Variants in ZNF423 observed in about 807,000 individuals in gnomAD.
ZNF423 encodes the protein zinc finger protein 423, also known as Ebf-associated zinc finger protein.
In ZNF423, 12 loss-of-function variants were observed where a neutral mutation model predicts 95.8. The ratio of observed to expected loss-of-function variants is 0.13; its 90% CI spans 0.08 to 0.20. ZNF423 has a LOEUF of 0.20. ZNF423 is among the 10% of genes least tolerant of loss of function. ZNF423 has a pLI of 1.00. For missense variants in ZNF423, 1,316 were observed against 1,737.1 expected (o/e 0.76, Z 4.31); for synonymous variants, 749 against 711.9 (o/e 1.05, Z -0.83).
At chr16:49,718,795 A>C (rs1489291530) in intron 3 of ZNF423, among the ~76,000 whole-genome samples, 2 of 152,182 alleles carry the variant, frequency 1.3e-5, no homozygotes, top group Non-Finnish European at 2.9e-5. Context: ...AAGAGCACTC[A>C]TCCCATTCTT....
rs1555475501 is a variant in ZNF423 at position 49,709,166 on chromosome 16, G to GTTTT, written c.301+21604_301+21605insAAAA. Among the ~76,000 whole-genome samples, 40 of 120,056 alleles carry GTTTT rather than the reference G, an allele frequency of 3.3e-4. 1 individual carries two copies. In the East Asian group the frequency reaches 5.9e-3, roughly 18 times the overall value. 78.8% of individuals were successfully genotyped at this position (120,056 alleles called of 152,430 possible). Reference sequence around the variant, plus strand: ...TAAAAAACTCAAACGTTCAGCAGCCGTTTATATATATATATATGAAAACGG... The same window carrying GTTTT: ...TAAAAAACTCAAACGTTCAGCAGCCGTTTTTTTATATATATATATATGAAAACGG... On this transcript the variant is annotated intron_variant, in intron 3 of 7. Transcript: ENST00000563137.
At position 49,637,597 on chromosome 16, in the gene ZNF423, A is replaced by T; in HGVS notation, c.1579T>A (p.Cys527Ser). 1 of 1,614,078 alleles carries T rather than the reference A, an allele frequency of 6.2e-7. No individual in the cohort carries two copies. The highest frequency in any genetic ancestry group is 8.5e-7 in the Non-Finnish European group (1 of 1,180,048). Residue 527 changes from cysteine (C) to serine (S), a missense_variant, in exon 4 of 8, where the codon TGC becomes AGC. Coordinates refer to ENST00000563137, the MANE Select transcript of ZNF423 (RefSeq NM_001379286.1). The surrounding 1 kb of genome is among the most constrained non-coding windows in gnomAD (Gnocchi z 5.6). The part of the protein sequence containing the change: ...NPSDGNNAFF[C>S]NQCSMGFLTE... ...AGGAAACCCATGGAGCACTGGTTGC[A>T]GAAGAAAGCATTATTACCGTCAGAG...
intron 2 of ZNF423, among the ~76,000 whole-genome samples, chr16:49,736,346 G>A (rs942620505): frequency 1.3e-5 from 2 of 152,112 alleles, no homozygotes; most frequent in African/African-American, 4.8e-5. Flanking sequence ...GCTTCTTCCT[G>A]CAGCCAGGAG....
Position 49,635,848 on chromosome 16 carries a change from C to T in ZNF423, c.3328G>A (p.Gly1110Arg), listed in dbSNP as rs552943301. ...CAGCMARSAN[G>R]QVGGLAPPEP... The stretch of plus-strand genomic sequence containing the variant: ...GGCGGGGCCAGGCCACCCACCTGTC[C>T]GTTGGCGCTGCGGGCCATGCAGCCG... Residue 1110 changes from glycine (G) to arginine (R), a missense_variant, in exon 4 of 8, where the codon GGA (glycine) becomes AGA (arginine). By Grantham distance (125) the Gly-to-Arg change is moderately radical. Coordinates refer to ENST00000563137, the MANE Select transcript of ZNF423 (RefSeq NM_001379286.1). The surrounding 1 kb of genome is among the most constrained non-coding windows in gnomAD (Gnocchi z 4.8). 9 of 1,599,070 alleles carry T rather than the reference C, an allele frequency of 5.6e-6. No individual in the cohort carries two copies. Among genetic ancestry groups the T allele is most frequent in the East Asian group, 2.2e-5 (1 of 44,742 alleles).
chr16:49,784,637 T>A (rs1348101530), intron 2 of ZNF423, among the ~76,000 whole-genome samples: 1 of 152,172 alleles, frequency 6.6e-6, no homozygotes, highest in Admixed American at 6.5e-5. Flanking sequence ...ATGTCCAGAA[T>A]AGGCAAGTCT....
chr16:49,565,996 A>G (rs758040145), intron 5 of ZNF423, among the ~76,000 whole-genome samples: 2 of 152,018 alleles, frequency 1.3e-5, no homozygotes, highest in Non-Finnish European at 2.9e-5. Flanking sequence ...CCATCCATCA[A>G]TCTATCCTTC....
Position 49,492,381 on chromosome 16 carries a change from G to A in ZNF423, c.3850-1077C>T, listed in dbSNP as rs1379125758. Among the ~76,000 whole-genome samples, 2 of 152,172 alleles carry A rather than the reference G, an allele frequency of 1.3e-5. No individual in the cohort carries two copies. Among genetic ancestry groups the A allele is most frequent in the African/African-American group, 4.8e-5 (2 of 41,452 alleles). On this transcript the variant is annotated intron_variant, in intron 7 of 7. Transcript: ENST00000563137. This position sits in a 1 kb window ranked among gnomAD's most constrained non-coding sequence, Gnocchi z 4.2. Reference sequence around the variant, plus strand: ...GACTCCTGCAGCTGTGCCGCTGACCGCCAGGGGTCAGCAGAGGCACCGCGT... The same window carrying A: ...GACTCCTGCAGCTGTGCCGCTGACCACCAGGGGTCAGCAGAGGCACCGCGT...
chr16:49,820,936 T>C (rs963951340), intron 1 of ZNF423, among the ~76,000 whole-genome samples: 2 of 152,194 alleles, frequency 1.3e-5, no homozygotes, highest in African/African-American at 4.8e-5. Context: ...TCATTTAAAA[T>C]ATATGTGCTT....
At chr16:49,673,130 C>T (rs1477904065) in intron 3 of ZNF423, among the ~76,000 whole-genome samples, 1 of 152,162 alleles carries the variant, frequency 6.6e-6, no homozygotes, top group African/African-American at 2.4e-5. Flanking sequence ...ATCATTTTAC[C>T]CACAACAAAT....
chr16:49,713,432 G>C (rs993254086), intron 3 of ZNF423, among the ~76,000 whole-genome samples: 3 of 152,158 alleles, frequency 2.0e-5, no homozygotes, highest in African/African-American at 7.2e-5. Flanking sequence ...GACTGCAGTG[G>C]GGGAGGAGAC....
At chr16:49,731,122 G>A in intron 2 of ZNF423, 151 bp from the exon 3 acceptor site, 1 of 975,378 alleles carries the variant, frequency 1.0e-6, no homozygotes, top group Non-Finnish European at 1.5e-6. Context: ...TAATAGATGG[G>A]GTTTTTTTGT....
At chr16:49,795,739 G>A (rs994248218) in intron 1 of ZNF423, among the ~76,000 whole-genome samples, 1 of 152,224 alleles carries the variant, frequency 6.6e-6, no homozygotes, top group African/African-American at 2.4e-5. Context: ...CAGCTGTCCT[G>A]GGATAATCCC....
chr16:49,694,542 T>G (rs1314799132), intron 3 of ZNF423, among the ~76,000 whole-genome samples: 2 of 152,230 alleles, frequency 1.3e-5, no homozygotes, highest in African/African-American at 4.8e-5. Context: ...TTGGAAATCA[T>G]GCCCCCCGCC....
In ZNF423 at chr16:49,622,105, T is replaced by G. The variant is rs1311381514; in HGVS notation, c.3601+4065A>C. Among the ~76,000 whole-genome samples, 5 of 152,180 alleles carry G rather than the reference T, an allele frequency of 3.3e-5. No homozygotes were observed. In the East Asian group the frequency reaches 9.6e-4, roughly 29 times the overall value. On this transcript the variant is annotated intron_variant, in intron 5 of 7. Transcript: ENST00000563137. ...CTGGAGACTTAACTGAGCAAGACCATGATGCCTGGGAATGCATGCCTTGCC... is the reference window on the plus strand; with the variant it reads ...CTGGAGACTTAACTGAGCAAGACCAGGATGCCTGGGAATGCATGCCTTGCC...
chr16:49,501,136 T>C (rs1967382166), intron 7 of ZNF423, among the ~76,000 whole-genome samples: 1 of 152,112 alleles, frequency 6.6e-6, no homozygotes, highest in Admixed American at 6.6e-5. Flanking sequence ...TCTGACCACA[T>C]GGAACTGCAT....
intron 3 of ZNF423, among the ~76,000 whole-genome samples, chr16:49,704,208 C>T (rs184524647): frequency 2.0e-5 from 3 of 152,054 alleles, no homozygotes; most frequent in Non-Finnish European, 4.4e-5. Flanking sequence ...GCATAAAGAA[C>T]TGAAAAGGAG....
At chr16:49,779,523 A>G (rs1384717644) in intron 2 of ZNF423, among the ~76,000 whole-genome samples, 1 of 152,082 alleles carries the variant, frequency 6.6e-6, no homozygotes, top group African/African-American at 2.4e-5. Context: ...ACACATGTTC[A>G]AGTTTGAGGA....
rs1040555625 is a variant in ZNF423, at chr16:49,774,258, G to A, written c.100+15229C>T. Among the ~76,000 whole-genome samples the A allele has an allele frequency of 2.0e-5, 3 of 152,172 alleles. No homozygotes were observed. In the East Asian group the frequency reaches 5.8e-4, roughly 29 times the overall value. On this transcript the variant is annotated intron_variant, in intron 2 of 7. Coordinates refer to ENST00000563137, the MANE Select transcript of ZNF423 (RefSeq NM_001379286.1). ...TTCCTCCCCTTCCAGCCCTGGGCCAGTGGGTCAGGTTTCCACCCAGATGGA... is the reference window on the plus strand; with the variant it reads ...TTCCTCCCCTTCCAGCCCTGGGCCAATGGGTCAGGTTTCCACCCAGATGGA...
At chr16:49,595,602 A>C (rs1332378994) in intron 5 of ZNF423, among the ~76,000 whole-genome samples, 1 of 152,246 alleles carries the variant, frequency 6.6e-6, no homozygotes, top group Non-Finnish European at 1.5e-5. Context: ...TTTTCTGTGC[A>C]GTTAGTTCTG....
Sources: allele counts gnomAD v4.1 joint callset (sites outside exome capture counted in the v4.1 genomes callset), GRCh38; gene constraint gnomAD v4.1.1; non-coding constraint Gnocchi (gnomAD v3.1); transcripts MANE v1.5; gene names NCBI Gene and HGNC (gene_info 2026-07-23, HGNC 2026-07-21).